The following WDR17 variants were observed in gnomAD, a reference collection of about 807,000 sequenced individuals.
WDR17 encodes WD repeat domain 17.
Under a neutral mutation model 161.7 loss-of-function variants are expected in WDR17, and 143 were observed. The observed-to-expected ratio is 0.88, with a 90% confidence interval of 0.77 to 1.02. WDR17 has a LOEUF of 1.02. WDR17 is among the 50% of genes least tolerant of loss of function. The probability of loss-of-function intolerance (pLI) is 0.00; values close to 1 mark genes in which losing one functional copy is unlikely to be tolerated. For synonymous variants in WDR17, 517 were observed against 515.6 expected, an observed-to-expected ratio of 1.00 and a Z score of -0.04; for missense variants, 1,469 against 1,520.9, an observed-to-expected ratio of 0.97 and a Z score of 0.57.
intron 10 of WDR17, among the ~76,000 whole-genome samples, chr4:176,140,340 A>T (rs1458256496): frequency 6.6e-6 from 1 of 152,078 alleles, no homozygotes; most frequent in Non-Finnish European, 1.5e-5. Context: ...GTGATTCAGC[A>T]TATATTAAGT....
rs1743456806 is a variant in WDR17, at chr4:176,131,558, AGT to A, written c.919_920del (p.Val307ProfsTer47). On this transcript the variant is annotated frameshift_variant, in exon 7 of 29. Transcript: ENST00000508596. LOFTEE classifies it high-confidence loss of function. ...TTTTTTTTCTTCTATTTTTAGTTTC[AGT>A]CCAATCTCCAACCAAAAATCATTAT... ...LNSPPRKKFS[V>X]QSPTKNHYTS... is the part of the protein sequence containing the mutation. 6.3e-7 allele frequency: 1 copy of A among 1,598,928 alleles called. No homozygotes were observed. Among genetic ancestry groups the A allele is most frequent in the African/African-American group, 1.4e-5 (1 of 73,940 alleles).
Position 176,173,388 on chromosome 4 carries a change from A to G in WDR17, c.3347+19A>G. On this transcript the variant is annotated intron_variant, in intron 25 of 28. Coordinates refer to ENST00000508596, the MANE Select transcript of WDR17 (RefSeq NM_181265.4). ...GTACTGAGTGAGTATTTTTTCTGCA[A>G]AATATATAAGTGAATCTATTTGATA... is the stretch of plus-strand genomic sequence containing the variant. 1 of 1,512,520 alleles carries G rather than the reference A, an allele frequency of 6.6e-7. No individual in the cohort carries two copies. The highest frequency in any genetic ancestry group is 9.1e-7 in the Non-Finnish European group (1 of 1,097,872). 93.7% of individuals were successfully genotyped at this position (1,512,520 alleles called of 1,614,324 possible). A position where few individuals can be genotyped will look rare whatever the true frequency, so the allele number is the denominator to read the frequency against.
chr4:176,113,534 T>C (rs574306833), intron 2 of WDR17, among the ~76,000 whole-genome samples: 1 of 152,064 alleles, frequency 6.6e-6, no homozygotes, highest in African/African-American at 2.4e-5. Context: ...TTCATTACAA[T>C]GTCCACTATA....
intron 22 of WDR17, 45 bp downstream of exon 22, chr4:176,163,338 A>G (rs1413130685): frequency 5.1e-6 from 8 of 1,558,234 alleles, no homozygotes; most frequent in African/African-American, 1.4e-5. Flanking sequence ...GTGATGGAAT[A>G]CATTTTTAAA....
At chr4:176,138,304 G>A (rs1287865512) in intron 9 of WDR17, among the ~76,000 whole-genome samples, 1 of 151,580 alleles carries the variant, frequency 6.6e-6, no homozygotes, top group Non-Finnish European at 1.5e-5. Flanking sequence ...TTTGAAAATT[G>A]CCTATATATT....
At chr4:176,155,373 G>A (rs1747893843) in intron 17 of WDR17, among the ~76,000 whole-genome samples, 1 of 151,402 alleles carries the variant, frequency 6.6e-6, no homozygotes, top group Non-Finnish European at 1.5e-5. Context: ...TTAAAAGATA[G>A]CAATAAAAAA....
intron 4 of WDR17, among the ~76,000 whole-genome samples, chr4:176,121,281 C>G (rs1034074706): frequency 3.3e-5 from 5 of 152,208 alleles, no homozygotes; most frequent in Non-Finnish European, 7.3e-5. Context: ...GTCATTAAGG[C>G]TGATAGTTAG....
chr4:176,106,054 C>A (rs2126675438), intron 1 of WDR17, among the ~76,000 whole-genome samples: 1 of 152,016 alleles, frequency 6.6e-6, no homozygotes, highest in East Asian at 1.9e-4. Context: ...CAATTGTACA[C>A]CAACTAATTC....
At chr4:176,138,466 G>C (rs1744752012) in intron 9 of WDR17, among the ~76,000 whole-genome samples, 1 of 151,604 alleles carries the variant, frequency 6.6e-6, no homozygotes, top group Non-Finnish European at 1.5e-5. Context: ...ACTCAAAAAA[G>C]GAAACTTTGA....
At chr4:176,162,837 T>C (rs971520707) in intron 21 of WDR17, among the ~76,000 whole-genome samples, 1 of 152,148 alleles carries the variant, frequency 6.6e-6, no homozygotes, top group Admixed American at 6.5e-5. Context: ...TTTACATTTT[T>C]TTCTGATATG....
chr4:176,098,779 T>C (rs1011225575), intron 1 of WDR17, among the ~76,000 whole-genome samples: 8 of 152,008 alleles, frequency 5.3e-5, no homozygotes, highest in African/African-American at 1.9e-4. Flanking sequence ...ATGCTTTTTA[T>C]CTTTTATTTA....
At chr4:176,156,819 C>T (rs1227478497) in intron 18 of WDR17, among the ~76,000 whole-genome samples, 1 of 152,072 alleles carries the variant, frequency 6.6e-6, no homozygotes, top group Admixed American at 6.6e-5. Context: ...AGAATTAGTT[C>T]CATGCTTCTC....
intron 4 of WDR17, among the ~76,000 whole-genome samples, chr4:176,122,068 G>A (rs763004221): frequency 4.6e-5 from 7 of 152,162 alleles, no homozygotes; most frequent in Non-Finnish European, 1.0e-4. Context: ...CAGTTCTTGA[G>A]GGCAGAAGTA....
At chr4:176,126,193 C>T (rs1001531894) in intron 5 of WDR17, among the ~76,000 whole-genome samples, 4 of 152,108 alleles carry the variant, frequency 2.6e-5, no homozygotes, top group African/African-American at 9.7e-5. Flanking sequence ...CTCACTGATC[C>T]GTGGGTTGAA....
intron 6 of WDR17, among the ~76,000 whole-genome samples, chr4:176,131,057 GTGT>G (rs1334734491): frequency 6.6e-6 from 1 of 152,122 alleles, no homozygotes; most frequent in East Asian, 1.9e-4. Flanking sequence ...AGGTCAGATA[GTGT>G]TGTGATTCTT....
chr4:176,165,477 A>G (rs1383902081), intron 22 of WDR17, among the ~76,000 whole-genome samples: 3 of 152,206 alleles, frequency 2.0e-5, no homozygotes, highest in African/African-American at 4.8e-5. Flanking sequence ...AAATCCATCT[A>G]TATCTTCTAA....
chr4:176,167,018 A>G (rs1291571553), intron 22 of WDR17, among the ~76,000 whole-genome samples: 1 of 152,224 alleles, frequency 6.6e-6, no homozygotes, highest in Non-Finnish European at 1.5e-5. Context: ...AAAAACATTA[A>G]AGTAAGCCTA....
At chr4:176,136,238 A>G (rs1744381809) in intron 8 of WDR17, among the ~76,000 whole-genome samples, 1 of 151,648 alleles carries the variant, frequency 6.6e-6, no homozygotes, top group African/African-American at 2.4e-5. Context: ...CTTAATGACA[A>G]TGTTTGTCCT....
chr4:176,095,508 TTG>T (rs1475610344), intron 1 of WDR17, among the ~76,000 whole-genome samples: 4 of 152,304 alleles, frequency 2.6e-5, no homozygotes, highest in South Asian at 4.1e-4. Flanking sequence ...TATTTCATAC[TTG>T]TGTATCTTCC....
Sources: gnomAD v4.1 joint callset for allele counts (sites outside exome capture counted in the v4.1 genomes callset) on GRCh38, gnomAD v4.1.1 for gene constraint, MANE v1.5 for transcripts, NCBI Gene and HGNC (gene_info 2026-07-23, HGNC 2026-07-21) for gene names.